Variants in TENM2 observed in about 807,000 individuals in gnomAD.
TENM2 encodes teneurin transmembrane protein 2.
A neutral mutation model predicts 245.2 loss-of-function variants in TENM2; 52 were observed. The ratio of observed to expected loss-of-function variants is 0.21; its 90% confidence interval spans 0.17 to 0.27. The LOEUF (loss-of-function observed/expected upper bound fraction) is 0.27. Ranked by LOEUF, TENM2 falls within the 10% of genes least tolerant of loss-of-function variation. The probability of loss-of-function intolerance (pLI) is 1.00; values close to 1 mark genes in which losing one functional copy is unlikely to be tolerated. For missense variants in TENM2, 3,046 were observed against 3,666.8 expected, an observed-to-expected ratio of 0.83 and a Z score of 4.37; for synonymous variants, 1,363 against 1,438.9, an observed-to-expected ratio of 0.95 and a Z score of 1.19.
chr5:167,248,927 G>A, the TENM2 span, among the ~76,000 whole-genome samples: 1 of 151,910 alleles, frequency 6.6e-6, no homozygotes, highest in Non-Finnish European at 1.5e-5. Context: ...GAAACTGCAG[G>A]CCCCCAAAAG....
rs148040985 is a variant in TENM2, at chr5:168,262,073, A to G, written c.7588A>G (p.Thr2530Ala). 7.8e-3 allele frequency: 12,593 copies of G among 1,613,944 alleles called. 59 individuals carry two copies. Among genetic ancestry groups the G allele is most frequent in the Non-Finnish European group, 9.2e-3 (10,861 of 1,179,822 alleles). The change falls in exon 29 of 29, where the codon ACA becomes GCA. Residue 2530 changes from threonine to alanine, a missense_variant. Physicochemically the swap from Thr to Ala is moderately conservative, Grantham distance 58. Coordinates refer to ENST00000518659, the Ensembl canonical transcript of TENM2. The stretch of plus-strand genomic sequence containing the variant: ...GCTCATTACAGGTGTCCAACAGACA[A>G]CAGAGAGACATAACCAGGCCTTCAT...
At position 168,230,331 on chromosome 5, in the gene TENM2, A is replaced by G. The variant is rs546574144; in HGVS notation, c.5520+2201A>G. 2.6e-5 allele frequency among the ~76,000 whole-genome samples: 4 copies of G among 152,240 alleles called. No individual in the cohort carries two copies. The South Asian group carries it at 8.3e-4, about 32-fold the overall frequency. On this transcript the variant is annotated intron_variant, in intron 25 of 28. Coordinates refer to ENST00000518659, the Ensembl canonical transcript of TENM2. Reference sequence around the variant, plus strand: ...AACAGGTTGAGTGGACTGAAAATGTAATTTGAAAATGAGGGAGAAAGCCTG... The same window carrying G: ...AACAGGTTGAGTGGACTGAAAATGTGATTTGAAAATGAGGGAGAAAGCCTG...
chr5:167,378,833 C>T (rs542088702), intron 2 of TENM2, among the ~76,000 whole-genome samples: 50 of 149,478 alleles, frequency 3.3e-4, no homozygotes, highest in Non-Finnish European at 6.3e-4. Flanking sequence ...CTCCCTTAGG[C>T]GATTTCTTCA....
At chr5:168,245,570 G>A (rs1324058799) in intron 26 of TENM2, among the ~76,000 whole-genome samples, 25 of 113,322 alleles carry the variant, frequency 2.2e-4, no homozygotes, top group African/African-American at 7.5e-4. Flanking sequence ...TTGGAGTGGC[G>A]GTAAAAAAAA....
the TENM2 span, among the ~76,000 whole-genome samples, chr5:167,234,497 A>G: frequency 6.6e-6 from 1 of 152,200 alleles, no homozygotes; most frequent in African/African-American, 2.4e-5. Flanking sequence ...ATAGAACCAC[A>G]TACTATTTTG....
intron 1 of TENM2, among the ~76,000 whole-genome samples, chr5:167,304,994 G>A (rs974466402): frequency 1.3e-5 from 2 of 151,918 alleles, no homozygotes; most frequent in African/African-American, 4.9e-5. Flanking sequence ...TTGAACAGGG[G>A]ATCCTATCAT....
At chr5:167,711,160 C>A (rs1322589289) in intron 2 of TENM2, among the ~76,000 whole-genome samples, 2 of 152,070 alleles carry the variant, frequency 1.3e-5, no homozygotes, top group Non-Finnish European at 2.9e-5. Context: ...CCAAGTCTGA[C>A]AACAAACTTT....
At position 168,090,560 on chromosome 5, in the gene TENM2, T is replaced by C. The variant is rs1376875239; in HGVS notation, c.1516-14T>C. On this transcript the variant is annotated splice_polypyrimidine_tract_variant and intron_variant, in intron 7 of 28. Coordinates refer to ENST00000518659, the Ensembl canonical transcript of TENM2. Reference sequence around the variant, plus strand: ...ACCTTGTCTCATGCATGGTACTCTCTCTCCTTTTCCCAGTATGACTTCATG... The same window carrying C: ...ACCTTGTCTCATGCATGGTACTCTCCCTCCTTTTCCCAGTATGACTTCATG... The C allele has an allele frequency of 6.2e-7, 1 of 1,609,864 alleles. No individual in the cohort carries two copies. Among genetic ancestry groups the C allele is most frequent in the East Asian group, 2.2e-5 (1 of 44,844 alleles).
intron 3 of TENM2, among the ~76,000 whole-genome samples, chr5:167,907,625 G>A (rs1776215784): frequency 7.4e-6 from 1 of 136,052 alleles, no homozygotes; most frequent in Admixed American, 8.1e-5. Flanking sequence ...AGAATTTATG[G>A]CTGGGTGTAT....
chr5:168,236,180 G>A (rs905107218), intron 25 of TENM2, among the ~76,000 whole-genome samples: 1 of 152,144 alleles, frequency 6.6e-6, no homozygotes, highest in African/African-American at 2.4e-5. Context: ...ACATGCAAAT[G>A]AGCCCTCATC....
chr5:168,215,577 G>A (rs879570557), intron 21 of TENM2, among the ~76,000 whole-genome samples: 1 of 152,236 alleles, frequency 6.6e-6, no homozygotes, highest in Admixed American at 6.5e-5. Context: ...GCTGAGGCAG[G>A]AGAATGGCGT....
At chr5:167,903,712 C>T (rs1347871369) in intron 3 of TENM2, among the ~76,000 whole-genome samples, 1 of 152,190 alleles carries the variant, frequency 6.6e-6, no homozygotes, top group Non-Finnish European at 1.5e-5. Flanking sequence ...GTGGATGTCA[C>T]ACCAGCAGCA....
chr5:167,976,394 A>G (rs1221119286), intron 4 of TENM2, among the ~76,000 whole-genome samples: 1 of 152,226 alleles, frequency 6.6e-6, no homozygotes, highest in Non-Finnish European at 1.5e-5. Flanking sequence ...TAAATAGTGT[A>G]GAGTACTGGG....
chr5:167,910,228 C>T (rs1161541168), intron 3 of TENM2, among the ~76,000 whole-genome samples: 5 of 152,148 alleles, frequency 3.3e-5, no homozygotes, highest in African/African-American at 1.2e-4. Flanking sequence ...CCCTCTTTCC[C>T]ACTGGGAACA....
At chr5:167,492,834 C>T (rs1768520920) in intron 2 of TENM2, among the ~76,000 whole-genome samples, 1 of 151,900 alleles carries the variant, frequency 6.6e-6, no homozygotes, top group African/African-American at 2.4e-5. Context: ...TTCAGGAAGG[C>T]AGATTTTGAT....
At chr5:167,428,306 A>C (rs941125861) in intron 2 of TENM2, among the ~76,000 whole-genome samples, 1 of 152,214 alleles carries the variant, frequency 6.6e-6, no homozygotes, top group African/African-American at 2.4e-5. Context: ...CAGTAACCCT[A>C]TCCTTTGAAT....
At chr5:168,023,562 G>T (rs566060073) in intron 5 of TENM2, among the ~76,000 whole-genome samples, 95 of 152,320 alleles carry the variant, frequency 6.2e-4, no homozygotes, top group African/African-American at 2.1e-3. Flanking sequence ...GGGAGGGGAT[G>T]CCTCAAGGGC....
the TENM2 span, among the ~76,000 whole-genome samples, chr5:167,244,089 T>C: frequency 1.3e-5 from 2 of 152,202 alleles, no homozygotes; most frequent in African/African-American, 4.8e-5. Flanking sequence ...TGTTCTATTA[T>C]TATTTGCAGT....
chr5:168,163,278 G>A (rs928416427), intron 13 of TENM2, among the ~76,000 whole-genome samples: 11 of 152,174 alleles, frequency 7.2e-5, no homozygotes, highest in African/African-American at 1.9e-4. Flanking sequence ...GCTCCAAAGC[G>A]TCTTTTCTAA....
Sources: gnomAD v4.1 joint callset for allele counts (sites outside exome capture counted in the v4.1 genomes callset) on GRCh38, gnomAD v4.1.1 for gene constraint, MANE v1.5 for transcripts, NCBI Gene and HGNC (gene_info 2026-07-23, HGNC 2026-07-21) for gene names.